Variants in THNSL1 observed in about 807,000 individuals in gnomAD.
THNSL1 encodes threonine synthase like 1.
A neutral mutation model predicts 50.4 loss-of-function variants in THNSL1; 48 were observed. That is an observed-to-expected ratio of 0.95 (90% confidence interval 0.76 to 1.21). The LOEUF is 1.21. Among genes scored for constraint, THNSL1 ranks in the 50% most tolerant of loss-of-function variants. The probability of loss-of-function intolerance (pLI) is 0.00; values close to 1 mark genes in which losing one functional copy is unlikely to be tolerated. For synonymous variants in THNSL1, 309 were observed against 306.1 expected, an observed-to-expected ratio of 1.01 and a Z score of -0.10; for missense variants, 896 against 871.7, an observed-to-expected ratio of 1.03 and a Z score of -0.35.
At chr10:25,007,672 G>A in the THNSL1 span, among the ~76,000 whole-genome samples, 3 of 152,122 alleles carry the variant, frequency 2.0e-5, no homozygotes, top group African/African-American at 7.2e-5. Context: ...CTGACCTCAT[G>A]ACCCGCCTGC....
At chr10:24,976,583 G>A in the THNSL1 span, among the ~76,000 whole-genome samples, 1 of 151,878 alleles carries the variant, frequency 6.6e-6, no homozygotes, top group Admixed American at 6.6e-5. Flanking sequence ...TCCGCCTCCT[G>A]GGTTCAAGTG....
At chr10:24,957,835 AT>A in the THNSL1 span, among the ~76,000 whole-genome samples, 1 of 152,120 alleles carries the variant, frequency 6.6e-6, no homozygotes, top group African/African-American at 2.4e-5. Context: ...ATTCTTCCAC[AT>A]GTGGATATTC....
chr10:24,990,554 GCTTT>G, the THNSL1 span: 5 of 1,613,644 alleles, frequency 3.1e-6, no homozygotes, highest in South Asian at 1.1e-5. Flanking sequence ...GTCTTCTTGG[GCTTT>G]CTTTATTTCC....
the THNSL1 span, chr10:24,982,821 G>A: frequency 6.6e-6 from 1 of 152,152 alleles, no homozygotes; most frequent in Non-Finnish European, 1.5e-5. Flanking sequence ...GTAGACCATA[G>A]AGAAAAGTCT....
At chr10:25,003,601 T>C in the THNSL1 span, among the ~76,000 whole-genome samples, 2 of 152,224 alleles carry the variant, frequency 1.3e-5, no homozygotes, top group Admixed American at 1.3e-4. Context: ...TTCTGTTAAA[T>C]AGCTGCATTT....
the THNSL1 span, among the ~76,000 whole-genome samples, chr10:24,953,061 C>T: frequency 6.6e-6 from 1 of 152,000 alleles, no homozygotes; most frequent in African/African-American, 2.4e-5. Context: ...TTCATGCACG[C>T]GATTGTCCCA....
At chr10:24,995,534 T>C in the THNSL1 span, 2 of 969,882 alleles carry the variant, frequency 2.1e-6, no homozygotes, top group Admixed American at 2.5e-5. Context: ...ATCAGCAAAG[T>C]AGACAATGTG....
At chr10:24,996,759 T>C in the THNSL1 span, among the ~76,000 whole-genome samples, 1 of 152,320 alleles carries the variant, frequency 6.6e-6, no homozygotes, top group African/African-American at 2.4e-5. Flanking sequence ...GCAAAGCCAA[T>C]ACTTACAGTT....
chr10:25,024,691 C>G lies in THNSL1; in HGVS notation c.1468C>G (p.Leu490Val). Residue 490 changes from leucine to valine, a missense_variant, in exon 3 of 3, where the codon CTT becomes GTT. Physicochemically the swap from Leu to Val is conservative, Grantham distance 32. Transcript: ENST00000376356. ...VVYHASAYLD[L>V]VSQGFISFGS... ...TTATCATGCTTCCGCATATCTTGATCTTGTTAGTCAAGGATTTATTTCTTT... is the reference window on the plus strand; with the variant it reads ...TTATCATGCTTCCGCATATCTTGATGTTGTTAGTCAAGGATTTATTTCTTT... 1 of 1,614,190 alleles carries G rather than the reference C, an allele frequency of 6.2e-7. No individual in the cohort carries two copies.
At chr10:24,952,837 G>A in the THNSL1 span, among the ~76,000 whole-genome samples, 7 of 151,760 alleles carry the variant, frequency 4.6e-5, no homozygotes, top group East Asian at 1.4e-3. This position sits in a 1 kb window ranked among gnomAD's most constrained non-coding sequence, Gnocchi z 5.1. Flanking sequence ...CCCCCTGAGC[G>A]CGGGCCCCGG....
chr10:25,017,934 T>C (rs1850640827), intron 1 of THNSL1, among the ~76,000 whole-genome samples: 1 of 152,202 alleles, frequency 6.6e-6, no homozygotes, highest in Non-Finnish European at 1.5e-5. Context: ...AGTCACTGGC[T>C]AAAGCTTATG....
chr10:24,986,634 T>C, the THNSL1 span, among the ~76,000 whole-genome samples: 1 of 152,216 alleles, frequency 6.6e-6, no homozygotes, highest in Non-Finnish European at 1.5e-5. Flanking sequence ...GATGTTTCCA[T>C]ATTACTTGCA....
the THNSL1 span, chr10:24,984,965 G>T: frequency 7.6e-7 from 1 of 1,310,024 alleles, no homozygotes; most frequent in Non-Finnish European, 1.1e-6. Flanking sequence ...AAGGAAATGG[G>T]AAAAGCTAAT....
the THNSL1 span, among the ~76,000 whole-genome samples, chr10:25,004,833 C>T: frequency 2.0e-5 from 3 of 152,144 alleles, no homozygotes; most frequent in African/African-American, 7.2e-5. Flanking sequence ...TAAATCTTTG[C>T]CCGTGCCTAT....
chr10:25,012,185 A>C (rs913418077), upstream of THNSL1, among the ~76,000 whole-genome samples: 2 of 152,236 alleles, frequency 1.3e-5, no homozygotes, highest in Admixed American at 6.5e-5. Flanking sequence ...TAGATTTCAA[A>C]GGTTGTATCA....
chr10:25,024,570 TG>T lies in THNSL1; in HGVS notation c.1348del (p.Asp450IlefsTer16), dbSNP rs779212212. The T allele has an allele frequency of 6.2e-7, 1 of 1,614,152 alleles. No individual in the cohort carries two copies. On this transcript the variant is annotated frameshift_variant, in exon 3 of 3. Transcript: ENST00000376356. LOFTEE classifies it high-confidence loss of function. ...CQTAIKRIFN[D>X]SDFTGFLTVE... is the part of the protein sequence containing the mutation. ...AGACAGCTATAAAAAGAATTTTTAA[TG>T]ATTCTGATTTTACTGGCTTTCTTAC...
chr10:24,986,112 C>T, the THNSL1 span, among the ~76,000 whole-genome samples: 4 of 152,142 alleles, frequency 2.6e-5, no homozygotes, highest in Non-Finnish European at 4.4e-5. Context: ...AAAATACTGC[C>T]TTGAAAACAT....
At chr10:24,962,885 A>C in the THNSL1 span, among the ~76,000 whole-genome samples, 2 of 152,240 alleles carry the variant, frequency 1.3e-5, no homozygotes. Context: ...TTCATATCAA[A>C]CACACAAAGC....
chr10:24,954,007 A>T, the THNSL1 span, among the ~76,000 whole-genome samples: 1 of 152,068 alleles, frequency 6.6e-6, no homozygotes, highest in South Asian at 2.1e-4. Context: ...CACACGGGTA[A>T]ACATTTTCTC....
Sources: allele counts gnomAD v4.1 joint callset (sites outside exome capture counted in the v4.1 genomes callset), GRCh38; gene constraint gnomAD v4.1.1; non-coding constraint Gnocchi (gnomAD v3.1); transcripts MANE v1.5; gene names NCBI Gene and HGNC (gene_info 2026-07-23, HGNC 2026-07-21).